TRPM4: variants seen among roughly 807,000 people sequenced by gnomAD.
TRPM4 encodes the protein transient receptor potential cation channel subfamily M member 4.
A neutral mutation model predicts 135.6 loss-of-function variants in TRPM4; 124 were observed. The ratio of observed to expected loss-of-function variants is 0.91; its 90% CI spans 0.79 to 1.06. The LOEUF is 1.06. Among genes scored for constraint, TRPM4 ranks in the 50% least tolerant of loss-of-function variants. TRPM4 has a pLI of 0.00. For missense variants in TRPM4, 1,658 were observed against 1,671.4 expected (o/e 0.99, Z 0.14); for synonymous variants, 745 against 705.6 (o/e 1.06, Z -0.88).
rs765230099 is a variant in TRPM4, at chr19:49,166,047, C to T, written c.99C>T (p.Thr33=). ...FIVDSTDPGG[T]LCQCGRPRTA... is the part of the protein sequence containing the mutation. The stretch of plus-strand genomic sequence containing the variant: ...TCCGCCCTCGCACCCCCAGAGGGAC[C>T]TTGTGCCAGTGTGGGCGCCCCCGGA... The change falls in exon 3 of 25, where the codon ACC becomes ACT. Residue 33 remains threonine, a synonymous_variant. Coordinates refer to ENST00000252826, the MANE Select transcript of TRPM4 (RefSeq NM_017636.4). 1.2e-5 allele frequency: 19 copies of T among 1,595,420 alleles called. No individual in the cohort carries two copies. Among genetic ancestry groups the T allele is most frequent in the Non-Finnish European group, 1.6e-5 (19 of 1,173,098 alleles).
At chr19:49,191,083 G>A (rs1348000522) in intron 16 of TRPM4, among the ~76,000 whole-genome samples, 1 of 152,100 alleles carries the variant, frequency 6.6e-6, no homozygotes, top group Non-Finnish European at 1.5e-5. Context: ...GATCTCATGT[G>A]AACTAACTGA....
At chr19:49,169,295 G>A (rs904175416) in intron 6 of TRPM4, among the ~76,000 whole-genome samples, 12 of 147,438 alleles carry the variant, frequency 8.1e-5, no homozygotes, top group African/African-American at 1.8e-4. Flanking sequence ...TTTTTGAGAC[G>A]GAGTTTTGCC....
chr19:49,171,633 G>C lies in TRPM4; in HGVS notation c.914G>C (p.Gly305Ala), dbSNP rs1256983216. Reference protein sequence around the residue: ...QLPCLLVAGSGGAADCLAETL... With the variant: ...QLPCLLVAGSAGAADCLAETL... ...CCATGTCTCCTCGTGGCTGGCTCAG[G>C]GGGAGCTGCGGACTGCCTGGCGGAG... The change falls in exon 8 of 25, where the codon GGG (glycine) becomes GCG (alanine). Residue 305 changes from glycine (G) to alanine (A), a missense_variant. Gly to Ala is a moderately conservative substitution (Grantham distance 60, BLOSUM62 0). This residue lies in a region of TRPM4 where 1,412 missense variants were observed against 1,408.7 expected (regional missense o/e 1.00). Coordinates refer to ENST00000252826, the MANE Select transcript of TRPM4 (RefSeq NM_017636.4). The surrounding 1 kb of genome is among the most constrained non-coding windows in gnomAD (Gnocchi z 4.7). 2 of 1,613,966 alleles carry C rather than the reference G, an allele frequency of 1.2e-6. No homozygotes were observed. The highest frequency in any genetic ancestry group is 4.5e-5 in the East Asian group (2 of 44,878).
chr19:49,206,291 A>C (rs1345942294), intron 20 of TRPM4, among the ~76,000 whole-genome samples: 1 of 152,080 alleles, frequency 6.6e-6, no homozygotes, highest in Non-Finnish European at 1.5e-5. Flanking sequence ...GTTTGTAGCA[A>C]ATTTTGACAT....
chr19:49,182,315 T>A (rs1789340299), intron 10 of TRPM4, among the ~76,000 whole-genome samples: 1 of 148,082 alleles, frequency 6.8e-6, no homozygotes, highest in Non-Finnish European at 1.5e-5. Flanking sequence ...CATCCCTCTG[T>A]CCATCCATCC....
intron 2 of TRPM4, among the ~76,000 whole-genome samples, chr19:49,165,577 T>C (rs541322002): frequency 2.6e-5 from 4 of 152,240 alleles, no homozygotes; most frequent in Admixed American, 2.6e-4. Context: ...ATTATTGTCT[T>C]TTCATTAGAG....
chr19:49,200,922 C>T (rs1256344434), intron 19 of TRPM4, 137 bp downstream of exon 19: 1 of 887,372 alleles, frequency 1.1e-6, no homozygotes, highest in Non-Finnish European at 1.7e-6. Flanking sequence ...CTGAGTGATA[C>T]CCTATATTCC....
At position 49,169,069 on chromosome 19, in the gene TRPM4, G is replaced by A. The variant is rs568514851; in HGVS notation, c.796+333G>A. On this transcript the variant is annotated intron_variant, in intron 6 of 24. Transcript: ENST00000252826. Reference sequence around the variant, plus strand: ...AAATAAATTAGCCAGGTGTGGTGTCGTGTGCCTGTAATCCCAGCTACTTGG... The same window carrying A: ...AAATAAATTAGCCAGGTGTGGTGTCATGTGCCTGTAATCCCAGCTACTTGG... Among the ~76,000 whole-genome samples, 40 of 150,594 alleles carry A rather than the reference G, an allele frequency of 2.7e-4. 1 individual carries two copies. In the South Asian group the frequency reaches 5.7e-3, roughly 21 times the overall value.
chr19:49,202,881 CT>C (rs752188238), intron 20 of TRPM4, among the ~76,000 whole-genome samples: 689 of 109,604 alleles, frequency 6.3e-3, no homozygotes, highest in Middle Eastern at 0.011. Context: ...ATTTTTACTT[CT>C]TTTTTTTTTT....
Position 49,202,148 on chromosome 19 carries a change from C to A in TRPM4, c.3131+7C>A. 1.2e-6 allele frequency: 2 copies of A among 1,613,938 alleles called. No homozygotes were observed. Among genetic ancestry groups the A allele is most frequent in the Non-Finnish European group, 1.7e-6 (2 of 1,180,010 alleles). ...TGCTCATTGCCATGTTCAGGTGAGG[C>A]CTGACTGCTCTCTGATCTGACCCCA... On this transcript the variant is annotated splice_region_variant and intron_variant, in intron 20 of 24. Coordinates refer to ENST00000252826, the MANE Select transcript of TRPM4 (RefSeq NM_017636.4).
rs73942813 is a variant in TRPM4, at chr19:49,202,246, C to G, written c.3131+105C>G. 7.5e-3 allele frequency: 10,062 copies of G among 1,339,696 alleles called. 545 individuals carry two copies. The African/African-American group carries it at 0.12, about 16-fold the overall frequency. The allele number at this position is 1,339,696 out of a possible 1,614,324, so 83.0% of individuals were successfully genotyped here. On this transcript the variant is annotated intron_variant, in intron 20 of 24. Transcript: ENST00000252826. Reference sequence around the variant, plus strand: ...GAATTCTGTTTTTAGTCCCTGAACTCTGATCCAATCTAATGCTGCCTTCTC... The same window carrying G: ...GAATTCTGTTTTTAGTCCCTGAACTGTGATCCAATCTAATGCTGCCTTCTC...
chr19:49,183,107 G>A lies in TRPM4; in HGVS notation c.1638G>A (p.Ser546=), dbSNP rs753805994. The change falls in exon 12 of 25, where the codon TCG becomes TCA. Residue 546 remains serine, a synonymous_variant. Transcript: ENST00000252826. ...ATCTGCTCTCGGACAAGGCCACCTC[G>A]CCGCTCTCGCTGGATGCTGGCCTCG... ...SMYLLSDKAT[S]PLSLDAGLGQ... 1.2e-6 allele frequency: 2 copies of A among 1,613,320 alleles called. No individual in the cohort carries two copies. The highest frequency in any genetic ancestry group is 1.7e-6 in the Non-Finnish European group (2 of 1,180,020).
At chr19:49,161,088 C>T (rs1966943771) in intron 2 of TRPM4, among the ~76,000 whole-genome samples, 1 of 151,660 alleles carries the variant, frequency 6.6e-6, no homozygotes, top group African/African-American at 2.4e-5. Context: ...CCTAGGGGGA[C>T]CGAGGGGCAT....
chr19:49,197,296 CTCTTTCTTTCTT>C (rs1197731434), intron 17 of TRPM4, among the ~76,000 whole-genome samples: 16 of 124,712 alleles, frequency 1.3e-4, no homozygotes, highest in African/African-American at 3.4e-4. Context: ...TTCTTTCTTT[CTCTTTCTTTCTT>C]TTTCTTTCTT....
chr19:49,186,273 C>T (rs1968193647), intron 12 of TRPM4, among the ~76,000 whole-genome samples: 1 of 152,198 alleles, frequency 6.6e-6, no homozygotes. Flanking sequence ...AGCAGTCTTT[C>T]AATACTTAGC....
Position 49,196,815 on chromosome 19 carries a change from C to A in TRPM4, c.2586C>A (p.Asp862Glu). ...LSQRLRLYLA[D>E]SWNQCDLVAL... Reference sequence around the variant, plus strand: ...AGCGCCTGCGCCTCTACCTCGCCGACAGCTGGAACCAGTGCGACCTAGTGG... The same window carrying A: ...AGCGCCTGCGCCTCTACCTCGCCGAAAGCTGGAACCAGTGCGACCTAGTGG... Residue 862 changes from aspartate to glutamate, a missense_variant, in exon 17 of 25, where the codon GAC (aspartate) becomes GAA (glutamate). Asp to Glu is a conservative substitution (Grantham distance 45, BLOSUM62 2). Around this residue, in one of 3 missense-constraint regions of TRPM4, gnomAD observed 1,412 missense variants for 1,408.7 expected, o/e 1.00. Coordinates refer to ENST00000252826, the MANE Select transcript of TRPM4 (RefSeq NM_017636.4). The A allele has an allele frequency of 1.3e-6, 2 of 1,589,874 alleles. No homozygotes were observed. Among genetic ancestry groups the A allele is most frequent in the Non-Finnish European group, 1.7e-6 (2 of 1,175,542 alleles).
In TRPM4 at chr19:49,188,668, G is replaced by C. The variant is rs879583560; in HGVS notation, c.1771G>C (p.Gly591Arg). 6 of 1,614,170 alleles carry C rather than the reference G, an allele frequency of 3.7e-6. No individual in the cohort carries two copies. Among genetic ancestry groups the C allele is most frequent in the Non-Finnish European group, 5.1e-6 (6 of 1,180,048 alleles). The change falls in exon 13 of 25, where the codon GGG becomes CGG. Residue 591 changes from glycine (G) to arginine (R), a missense_variant. By Grantham distance (125) the Gly-to-Arg change is moderately radical (BLOSUM62 -2). Transcript: ENST00000252826. ...MGSNAVSSAL[G>R]ACLLLRVMAR... is the part of the protein sequence containing the mutation. Reference sequence around the variant, plus strand: ...TTCCAATGCAGTTTCCTCAGCTCTTGGGGCCTGTTTGCTGCTCCGGGTGAT... The same window carrying C: ...TTCCAATGCAGTTTCCTCAGCTCTTCGGGCCTGTTTGCTGCTCCGGGTGAT...
intron 2 of TRPM4, among the ~76,000 whole-genome samples, chr19:49,160,922 G>A (rs915307936): frequency 6.6e-6 from 1 of 152,022 alleles, no homozygotes; most frequent in Non-Finnish European, 1.5e-5. Flanking sequence ...GGGTGATGAG[G>A]GAGAGAGGGG....
intron 16 of TRPM4, among the ~76,000 whole-genome samples, chr19:49,194,984 ACTC>A (rs1968577289): frequency 6.7e-6 from 1 of 148,638 alleles, no homozygotes; most frequent in Non-Finnish European, 1.5e-5. Context: ...CTGGTGTTGA[ACTC>A]CTGGGCTCAA....
Sources: allele counts gnomAD v4.1 joint callset (sites outside exome capture counted in the v4.1 genomes callset), GRCh38; gene constraint gnomAD v4.1.1; regional missense constraint gnomAD v4.1.1; non-coding constraint Gnocchi (gnomAD v3.1); transcripts MANE v1.5; gene names NCBI Gene and HGNC (gene_info 2026-07-23, HGNC 2026-07-21).